Variants in VPS13A observed in about 807,000 individuals in gnomAD.
The protein encoded by VPS13A is intermembrane lipid transfer protein VPS13A.
Under a neutral mutation model 390.9 loss-of-function variants are expected in VPS13A, and 264 were observed. That is an observed-to-expected ratio of 0.68 (90% CI 0.61 to 0.75). The LOEUF is 0.75. Among genes scored for constraint, VPS13A ranks in the 30% least tolerant of loss-of-function variants. The pLI, the probability that VPS13A is intolerant of heterozygous loss-of-function variation, is 0.00. For synonymous variants in VPS13A, 1,231 were observed against 1,227.1 expected (o/e 1.00, Z -0.07); for missense variants, 3,409 against 3,733.9 (o/e 0.91, Z 2.27).
Position 77,226,547 on chromosome 9 carries a change from T to C in VPS13A, c.1306T>C (p.Ser436Pro). The change falls in exon 15 of 72, where the codon TCT (serine) becomes CCT (proline). Residue 436 changes from serine (S) to proline (P), a missense_variant. Ser to Pro is a moderately conservative substitution (Grantham distance 74, BLOSUM62 -1). Around this residue, in one of 5 missense-constraint regions of VPS13A, gnomAD observed 2,717 missense variants for 2,917.4 expected, o/e 0.93. Transcript: ENST00000360280. ...DNKGWFSWLW[S>P]WSEQNTNEQQ... Reference sequence around the variant, plus strand: ...TAAAGGGTGGTTTAGCTGGCTATGGTCTTGGTCAGAACAAAATACTAATGA... The same window carrying C: ...TAAAGGGTGGTTTAGCTGGCTATGGCCTTGGTCAGAACAAAATACTAATGA... The C allele has an allele frequency of 6.2e-7, 1 of 1,613,228 alleles. No homozygotes were observed. The highest frequency in any genetic ancestry group is 8.5e-7 in the Non-Finnish European group (1 of 1,179,478).
chr9:77,388,066 T>C (rs1483564120), intron 68 of VPS13A, among the ~76,000 whole-genome samples: 1 of 152,186 alleles, frequency 6.6e-6, no homozygotes, highest in East Asian at 1.9e-4. Flanking sequence ...GCTTTTTGTC[T>C]CTTAGATTTC....
At chr9:77,330,066 G>C (rs1256194695) in intron 45 of VPS13A, among the ~76,000 whole-genome samples, 2 of 152,120 alleles carry the variant, frequency 1.3e-5, no homozygotes, top group Non-Finnish European at 2.9e-5. Context: ...TATCGCCCAG[G>C]AGTGCAGTGG....
At chr9:77,191,293 TTC>T in intron 1 of VPS13A, among the ~76,000 whole-genome samples, 2 of 147,046 alleles carry the variant, frequency 1.4e-5, no homozygotes, top group African/African-American at 5.1e-5. Context: ...CTTTTTCTTC[TTC>T]TTTTTTTTTT....
chr9:77,302,188 C>T, intron 33 of VPS13A, among the ~76,000 whole-genome samples: 1 of 151,808 alleles, frequency 6.6e-6, no homozygotes, highest in East Asian at 1.9e-4. Flanking sequence ...GAACTCCTGA[C>T]CTCAGGTGAT....
intron 34 of VPS13A, among the ~76,000 whole-genome samples, chr9:77,306,167 A>G (rs1382804446): frequency 6.6e-6 from 1 of 152,238 alleles, no homozygotes; most frequent in Non-Finnish European, 1.5e-5. Flanking sequence ...TATAAGGTAC[A>G]CATGGACTTA....
intron 69 of VPS13A, 122 bp from the exon 70 acceptor site, chr9:77,405,735 AAGAATAT>A: frequency 1.6e-6 from 2 of 1,214,554 alleles, no homozygotes; most frequent in Non-Finnish European, 2.3e-6. Context: ...TAAATTCATT[AAGAATAT>A]AGAATATAGT....
chr9:77,283,703 T>A, intron 31 of VPS13A, 53 bp downstream of exon 31: 1 of 1,376,510 alleles, frequency 7.3e-7, no homozygotes, highest in Non-Finnish European at 1.0e-6. Context: ...GATTGTCCTT[T>A]AAGAGTGGTC....
chr9:77,302,368 C>CTTTTT (rs58598132), intron 33 of VPS13A, among the ~76,000 whole-genome samples: 9 of 117,796 alleles, frequency 7.6e-5, no homozygotes, highest in Non-Finnish European at 1.0e-4. Context: ...TATTTTTCCC[C>CTTTTT]TTTTTTTTTT....
intron 1 of VPS13A, among the ~76,000 whole-genome samples, chr9:77,193,930 A>G (rs889012994): frequency 2.5e-4 from 38 of 152,152 alleles, no homozygotes; most frequent in African/African-American, 8.9e-4. Context: ...CCTGGCATGC[A>G]TGCTATAACC....
intron 68 of VPS13A, among the ~76,000 whole-genome samples, chr9:77,386,074 C>T (rs973940635): frequency 6.6e-6 from 1 of 151,984 alleles, no homozygotes; most frequent in Non-Finnish European, 1.5e-5. Flanking sequence ...ATGTAAACAT[C>T]AAAAAATTCA....
chr9:77,222,343 G>T (rs1458594244), intron 13 of VPS13A, among the ~76,000 whole-genome samples: 1 of 152,038 alleles, frequency 6.6e-6, no homozygotes, highest in Non-Finnish European at 1.5e-5. Flanking sequence ...ACTTCTCTTG[G>T]GGGAAACATA....
chr9:77,405,893 T>C lies in VPS13A; in HGVS notation c.9305T>C (p.Phe3102Ser). 7 of 1,613,940 alleles carry C rather than the reference T, an allele frequency of 4.3e-6. No individual in the cohort carries two copies. The highest frequency in any genetic ancestry group is 5.9e-6 in the Non-Finnish European group (7 of 1,180,000). ...GTATTGTTTGTAACAAAGGGAACAT[T>C]TGGACAACTCACGTGTGAGTGGCAG... The part of the protein sequence containing the change: ...RGVLFVTKGT[F>S]GQLTCEWQYS... Residue 3102 changes from phenylalanine (F) to serine (S), a missense_variant, in exon 70 of 72, where the codon TTT becomes TCT. Around this residue, in one of 5 missense-constraint regions of VPS13A, gnomAD observed 318 missense variants for 333.7 expected, o/e 0.95. Transcript: ENST00000360280.
rs538894387 is a variant in VPS13A at position 77,256,912 on chromosome 9, A to G, written c.2289-3174A>G. ...TATGAGTTAACGTGATCTCTTGTAG[A>G]CAGTATGTAGTTGCATCCTGTTTTT... On this transcript the variant is annotated intron_variant, in intron 22 of 71. Coordinates refer to ENST00000360280, the MANE Select transcript of VPS13A (RefSeq NM_033305.3). Among the ~76,000 whole-genome samples the G allele has an allele frequency of 7.3e-5, 11 of 151,670 alleles. No homozygotes were observed. In the East Asian group the frequency reaches 1.9e-3, roughly 27 times the overall value.
At chr9:77,344,865 A>T (rs1336081423) in intron 51 of VPS13A, 144 bp from the exon 52 acceptor site, 5 of 815,944 alleles carry the variant, frequency 6.1e-6, no homozygotes, top group Non-Finnish European at 9.8e-6. Context: ...GATTTCCAGA[A>T]ATGCAGTACA....
At chr9:77,243,116 A>C (rs1487722821) in intron 19 of VPS13A, among the ~76,000 whole-genome samples, 1 of 152,024 alleles carries the variant, frequency 6.6e-6, no homozygotes, top group Non-Finnish European at 1.5e-5. Flanking sequence ...TCCTTCCCTC[A>C]TATTCCTCCT....
chr9:77,209,964 A>AT (rs1292292016), intron 6 of VPS13A, among the ~76,000 whole-genome samples: 2 of 151,788 alleles, frequency 1.3e-5, no homozygotes, highest in Admixed American at 6.6e-5. Flanking sequence ...TTTTTTAATA[A>AT]TTTTTTTTGT....
intron 7 of VPS13A, among the ~76,000 whole-genome samples, chr9:77,212,716 T>A (rs1306443989): frequency 6.6e-6 from 1 of 152,206 alleles, no homozygotes; most frequent in East Asian, 1.9e-4. Context: ...AAATGAGTAT[T>A]TAACTTCTGC....
chr9:77,386,809 G>A (rs1358133728), intron 68 of VPS13A, among the ~76,000 whole-genome samples: 2 of 151,122 alleles, frequency 1.3e-5, no homozygotes, highest in African/African-American at 2.4e-5. Flanking sequence ...CTGGGTTCAC[G>A]CCATTCTCCT....
intron 23 of VPS13A, among the ~76,000 whole-genome samples, chr9:77,263,368 A>G (rs1184363325): frequency 2.0e-5 from 3 of 151,824 alleles, no homozygotes; most frequent in Non-Finnish European, 4.4e-5. Context: ...CTGCCTCCCA[A>G]AGTGCTGGGA....
Sources: gnomAD v4.1 joint callset for allele counts (sites outside exome capture counted in the v4.1 genomes callset) on GRCh38, gnomAD v4.1.1 for gene constraint, gnomAD v4.1.1 regional missense constraint, MANE v1.5 for transcripts, NCBI Gene and HGNC (gene_info 2026-07-23, HGNC 2026-07-21) for gene names.